The following DAAM1 variants were observed in gnomAD, a reference collection of about 807,000 sequenced individuals.
The protein encoded by DAAM1 is disheveled-associated activator of morphogenesis 1.
A neutral mutation model predicts 130.0 loss-of-function variants in DAAM1; 52 were observed. The ratio of observed to expected loss-of-function variants is 0.40; its 90% CI spans 0.32 to 0.50. The LOEUF (loss-of-function observed/expected upper bound fraction) is 0.50, where lower values mean the gene tolerates loss of function less well. DAAM1 is among the 20% of genes least tolerant of loss of function. The pLI is 0.61. For synonymous variants in DAAM1, 452 were observed against 444.5 expected (o/e 1.02, Z -0.21); for missense variants, 1,134 against 1,303.8 (o/e 0.87, Z 2.01).
chr14:59,204,767 C>T (rs77538113), intron 1 of DAAM1, among the ~76,000 whole-genome samples: 3 of 152,202 alleles, frequency 2.0e-5, no homozygotes, highest in Non-Finnish European at 4.4e-5. Context: ...TGCAATGGCT[C>T]ATGCCTGTAA....
At chr14:59,345,038 C>T (rs1290665991) in intron 16 of DAAM1, among the ~76,000 whole-genome samples, 1 of 152,018 alleles carries the variant, frequency 6.6e-6, no homozygotes, top group African/African-American at 2.4e-5. Flanking sequence ...CAGTTTCAGC[C>T]CTCCCTATTG....
intron 1 of DAAM1, among the ~76,000 whole-genome samples, chr14:59,223,632 A>T (rs1034561639): frequency 1.3e-5 from 2 of 152,238 alleles, no homozygotes; most frequent in Non-Finnish European, 2.9e-5. Flanking sequence ...TCTGGGCCTC[A>T]TTCAAAACTA....
At chr14:59,351,092 A>G (rs1886276005) in intron 17 of DAAM1, among the ~76,000 whole-genome samples, 1 of 151,826 alleles carries the variant, frequency 6.6e-6, no homozygotes, top group Non-Finnish European at 1.5e-5. Context: ...TCTTCCTTCA[A>G]TTCATGTTCC....
rs111578221 is a variant in DAAM1 at position 59,323,236 on chromosome 14, G to A, written c.774+11G>A. 37 of 1,582,290 alleles carry A rather than the reference G, an allele frequency of 2.3e-5. No homozygotes were observed. The highest frequency in any genetic ancestry group is 2.2e-4 in the South Asian group (19 of 85,998). ...AGGACCCGCTTTCAGGTGGGTGTTC[G>A]CTCAGCCTTCTTCACTCACCCCTTC... is the stretch of plus-strand genomic sequence containing the variant. On this transcript the variant is annotated intron_variant, in intron 6 of 24. Transcript: ENST00000360909.
chr14:59,227,836 A>G lies in DAAM1; in HGVS notation c.-37-35605A>G, dbSNP rs1343835656. ...TCATAGAGCACCCATAGGGGCACCC[A>G]GGACTAATGAATGAATGGTACTCCT... On this transcript the variant is annotated intron_variant, in intron 1 of 24. Transcript: ENST00000360909. Among the ~76,000 whole-genome samples the G allele has an allele frequency of 3.9e-5, 6 of 152,358 alleles. No individual in the cohort carries two copies. In the East Asian group the frequency reaches 1.2e-3, roughly 29 times the overall value.
At chr14:59,256,079 A>G (rs73295968) in intron 1 of DAAM1, among the ~76,000 whole-genome samples, 8,803 of 152,240 alleles carry the variant, frequency 0.058, 864 homozygotes, top group African/African-American at 0.2. Context: ...AATGTGTGGC[A>G]GAAGTCCTGA....
chr14:59,270,707 G>A (rs1019467033), intron 2 of DAAM1, among the ~76,000 whole-genome samples: 1 of 152,092 alleles, frequency 6.6e-6, no homozygotes, highest in Non-Finnish European at 1.5e-5. Flanking sequence ...GAATTACCAG[G>A]AGCCCCCCTG....
At chr14:59,250,690 A>G (rs1056454062) in intron 1 of DAAM1, among the ~76,000 whole-genome samples, 1 of 152,220 alleles carries the variant, frequency 6.6e-6, no homozygotes, top group Non-Finnish European at 1.5e-5. Context: ...ATATGGAAAT[A>G]ATAGTTAACA....
At chr14:59,360,767 C>T (rs767047779) in intron 21 of DAAM1, 35 bp from the exon 22 acceptor site, 1 of 1,598,202 alleles carries the variant, frequency 6.3e-7, no homozygotes, top group Non-Finnish European at 8.6e-7. Flanking sequence ...GTGTAAGTCA[C>T]ATGTTGATTG....
At position 59,245,155 on chromosome 14, in the gene DAAM1, C is replaced by T. The variant is rs114506078; in HGVS notation, c.-37-18286C>T. Among the ~76,000 whole-genome samples, 982 of 152,278 alleles carry T rather than the reference C, an allele frequency of 6.4e-3. 13 individuals carry two copies. Among genetic ancestry groups the T allele is most frequent in the African/African-American group, 0.023 (950 of 41,542 alleles). The stretch of plus-strand genomic sequence containing the variant: ...TGTCTTCACGTGGATCAAATGCATC[C>T]TTCAAATGCAAAGACTAATTTTCCT... On this transcript the variant is annotated intron_variant, in intron 1 of 24. Coordinates refer to ENST00000360909, the MANE Select transcript of DAAM1 (RefSeq NM_001270520.2).
intron 1 of DAAM1, among the ~76,000 whole-genome samples, chr14:59,252,698 G>A (rs1255794855): frequency 6.6e-6 from 1 of 150,630 alleles, no homozygotes; most frequent in Non-Finnish European, 1.5e-5. Flanking sequence ...CCACCAAACA[G>A]TAGTTAACAA....
intron 20 of DAAM1, among the ~76,000 whole-genome samples, chr14:59,355,734 C>T (rs573426547): frequency 1.3e-5 from 2 of 152,166 alleles, no homozygotes; most frequent in East Asian, 1.9e-4. Context: ...GCATAACCAG[C>T]GCCCAGATCA....
chr14:59,206,595 A>G (rs1480300648), intron 1 of DAAM1, among the ~76,000 whole-genome samples: 1 of 152,252 alleles, frequency 6.6e-6, no homozygotes, highest in Non-Finnish European at 1.5e-5. Context: ...TCTATAAAAT[A>G]AGATATACTT....
chr14:59,362,497 A>C (rs1303162111), intron 22 of DAAM1: 1 of 152,208 alleles, frequency 6.6e-6, no homozygotes, highest in African/African-American at 2.4e-5. Flanking sequence ...CCCACACTGA[A>C]CACAGATACA....
At chr14:59,309,509 G>A (rs1411206063) in intron 3 of DAAM1, among the ~76,000 whole-genome samples, 1 of 152,230 alleles carries the variant, frequency 6.6e-6, no homozygotes, top group Non-Finnish European at 1.5e-5. Flanking sequence ...CACAGGGGTT[G>A]ACAAACTATG....
intron 2 of DAAM1, among the ~76,000 whole-genome samples, chr14:59,271,588 CTT>C (rs1354439321): frequency 6.6e-6 from 1 of 152,122 alleles, no homozygotes; most frequent in Non-Finnish European, 1.5e-5. Context: ...TCAATAATCT[CTT>C]CATTTTTCAT....
chr14:59,223,734 A>T (rs1165390961), intron 1 of DAAM1, among the ~76,000 whole-genome samples: 1 of 152,212 alleles, frequency 6.6e-6, no homozygotes, highest in East Asian at 1.9e-4. Context: ...TCCACTAGTC[A>T]TTGCACTTTT....
chr14:59,291,335 C>A, intron 3 of DAAM1, 29 bp downstream of exon 3: 1 of 1,520,998 alleles, frequency 6.6e-7, no homozygotes, highest in Non-Finnish European at 9.0e-7. Flanking sequence ...TTATGGTTAA[C>A]TGGAAAATAA....
At position 59,224,387 on chromosome 14, in the gene DAAM1, G is replaced by A. The variant is rs533383185; in HGVS notation, c.-38+35619G>A. Among the ~76,000 whole-genome samples the A allele has an allele frequency of 3.9e-5, 6 of 152,328 alleles. No homozygotes were observed. The East Asian group carries it at 9.6e-4, about 24-fold the overall frequency. ...TGCAACTTTCAAATCCTTGATGGTGGCACATCTCTGTAAACCCTCTAGGAA... is the reference window on the plus strand; with the variant it reads ...TGCAACTTTCAAATCCTTGATGGTGACACATCTCTGTAAACCCTCTAGGAA... On this transcript the variant is annotated intron_variant, in intron 1 of 24. Coordinates refer to ENST00000360909, the MANE Select transcript of DAAM1 (RefSeq NM_001270520.2).
Sources: gnomAD v4.1 joint callset for allele counts (sites outside exome capture counted in the v4.1 genomes callset) on GRCh38, gnomAD v4.1.1 for gene constraint, MANE v1.5 for transcripts, NCBI Gene and HGNC (gene_info 2026-07-23, HGNC 2026-07-21) for gene names.